Variants in MGAM observed in about 807,000 individuals in gnomAD.
MGAM encodes the protein maltase-glucoamylase.
In MGAM, 253 loss-of-function variants were observed where a neutral mutation model predicts 358.8. The observed-to-expected ratio is 0.71, with a 90% CI of 0.64 to 0.78. The LOEUF (loss-of-function observed/expected upper bound fraction) is 0.78. Ranked by LOEUF, MGAM falls within the 30% of genes least tolerant of loss-of-function variation. The pLI is 0.00. For synonymous variants in MGAM, 1,105 were observed against 1,227.1 expected, an observed-to-expected ratio of 0.90 and a Z score of 2.08; for missense variants, 3,080 against 3,432.6, an observed-to-expected ratio of 0.90 and a Z score of 2.57.
intron 14 of MGAM, among the ~76,000 whole-genome samples, 177 bp from the exon 15 acceptor site, chr7:142,034,085 T>A (rs1807750639): frequency 6.6e-6 from 1 of 152,238 alleles, no homozygotes; most frequent in Non-Finnish European, 1.5e-5. Flanking sequence ...AATTCATTTA[T>A]ATATCAGAGA....
chr7:142,005,367 A>G (rs571428096), intron 1 of MGAM, among the ~76,000 whole-genome samples, 162 bp from the exon 2 acceptor site: 2 of 152,066 alleles, frequency 1.3e-5, no homozygotes, highest in Non-Finnish European at 2.9e-5. Context: ...ATAAGGACAG[A>G]ATGAATTGGC....
At chr7:142,097,075 C>T (rs1444916197) in intron 65 of MGAM, among the ~76,000 whole-genome samples, 13 of 151,956 alleles carry the variant, frequency 8.6e-5, no homozygotes, top group Middle Eastern at 3.4e-3. Context: ...ACTACAGGCA[C>T]GTGCCACCAG....
chr7:142,079,577 T>TTC lies in MGAM; in HGVS notation c.5847+570_5847+571insCT, dbSNP rs1460483432. 1.1e-4 allele frequency among the ~76,000 whole-genome samples: 16 copies of TTC among 145,998 alleles called. 2 individuals are homozygous for TTC. The highest frequency in any genetic ancestry group is 3.7e-4 in the African/African-American group (15 of 41,082). On this transcript the variant is annotated intron_variant, in intron 49 of 70. Coordinates refer to ENST00000475668, the MANE Select transcript of MGAM (RefSeq NM_001365693.1). ...TAAAATAGCCACCAACCTGCAGCGA[T>TTC]TTCATTTCTTTCCAGAATTTAATTG...
In MGAM at chr7:142,091,964, A is replaced by G. The variant is rs761812540; in HGVS notation, c.6862A>G (p.Lys2288Glu). Residue 2288 changes from lysine to glutamate, a missense_variant, in exon 58 of 71, where the codon AAG (lysine) becomes GAG (glutamate). Around this residue, in one of 5 missense-constraint regions of MGAM, gnomAD observed 932 missense variants for 1,198.2 expected, o/e 0.78. Transcript: ENST00000475668. ...AGACTTTTTCCGTAATTCAACTGCC[A>G]AGTGGTGGAAGAGGGAAATAGAAGA... ...FPDFFRNSTAKWWKREIEELY... is the reference protein window; with the variant it reads ...FPDFFRNSTAEWWKREIEELY... The G allele has an allele frequency of 1.3e-6, 2 of 1,536,894 alleles. No individual in the cohort carries two copies. Among genetic ancestry groups the G allele is most frequent in the Admixed American group, 3.5e-5 (2 of 56,538 alleles).
intron 3 of MGAM, among the ~76,000 whole-genome samples, chr7:142,018,697 G>A (rs562796955): frequency 1.4e-4 from 21 of 152,280 alleles, no homozygotes; most frequent in Admixed American, 3.9e-4. Context: ...GCCTCTGGAG[G>A]AGTTGAGAGA....
rs548974435 is a variant in MGAM, at chr7:142,092,607, G to A, written c.7032G>A (p.Pro2344=). ...CTCTGAACCACCCTCCCTACATGCC[G>A]TGTAAGAATCCTTGGCCTTCTTGAT... ...DASLNHPPYM[P]YLESRDRGLS... is the part of the protein sequence containing the mutation. Residue 2344 remains proline (P), a splice_region_variant and synonymous_variant, in exon 59 of 71, where the codon CCG becomes CCA. Coordinates refer to ENST00000475668, the MANE Select transcript of MGAM (RefSeq NM_001365693.1). 3.5e-5 allele frequency: 53 copies of A among 1,533,780 alleles called. 2 individuals carry two copies. Among genetic ancestry groups the A allele is most frequent in the Admixed American group, 2.5e-4 (14 of 55,978 alleles).
chr7:142,091,130 C>T (rs1815345191), intron 57 of MGAM, among the ~76,000 whole-genome samples: 1 of 143,974 alleles, frequency 6.9e-6, no homozygotes, highest in African/African-American at 2.5e-5. Flanking sequence ...GCCTGTAATC[C>T]CAGCTACTCA....
At chr7:142,057,108 T>G (rs1323897834) in intron 30 of MGAM, among the ~76,000 whole-genome samples, 166 bp downstream of exon 30, 10 of 152,214 alleles carry the variant, frequency 6.6e-5, no homozygotes, top group African/African-American at 2.2e-4. Flanking sequence ...ATCATTAAAT[T>G]TATAGCCTCT....
At chr7:142,055,529 T>G in intron 27 of MGAM, 29 bp from the exon 28 acceptor site, 1 of 1,613,736 alleles carries the variant, frequency 6.2e-7, no homozygotes, top group Admixed American at 1.7e-5. Flanking sequence ...GCTCATTTTC[T>G]GTTTCAAATC....
Position 142,032,898 on chromosome 7 carries a change from C to T in MGAM, c.1658C>T (p.Pro553Leu), listed in dbSNP as rs782679232. 8.1e-6 allele frequency: 13 copies of T among 1,606,998 alleles called. No homozygotes were observed. In the Admixed American group the frequency reaches 2.0e-4, roughly 25 times the overall value. ...TCCACAAACAACCTAAATAATCCCC[C>T]ATTCACTCCCAGTAAGTCTTGGTGG... The part of the protein sequence containing the change: ...GCSTNNLNNP[P>L]FTPRILDGYL... The change falls in exon 14 of 71, where the codon CCA becomes CTA. Residue 553 changes from proline (P) to leucine (L), a missense_variant. Coordinates refer to ENST00000475668, the MANE Select transcript of MGAM (RefSeq NM_001365693.1).
rs183251912 is a variant in MGAM, at chr7:142,062,517, G to T, written c.4123-51G>T. On this transcript the variant is annotated intron_variant, in intron 34 of 70. Transcript: ENST00000475668. The stretch of plus-strand genomic sequence containing the variant: ...TTGCATTCTCAGTAAGTGCCTGTTT[G>T]CTGTCTTCTATATTTGTGTGGGACA... The T allele has an allele frequency of 1.8e-4, 276 of 1,527,970 alleles. 2 individuals are homozygous for T. In the Admixed American group the frequency reaches 5.4e-3, roughly 30 times the overall value. 94.7% of individuals were successfully genotyped at this position (1,527,970 alleles called of 1,614,324 possible). A position where few individuals can be genotyped will look rare whatever the true frequency, so the allele number is the denominator to read the frequency against.
intron 3 of MGAM, among the ~76,000 whole-genome samples, chr7:142,012,837 A>C (rs1249267623): frequency 2.0e-5 from 3 of 151,912 alleles, no homozygotes; most frequent in African/African-American, 7.3e-5. Flanking sequence ...GACTGACTGC[A>C]CCCTCTTCCC....
At chr7:142,058,001 C>A (rs183298248) in intron 30 of MGAM, among the ~76,000 whole-genome samples, 5 of 152,200 alleles carry the variant, frequency 3.3e-5, no homozygotes, top group Admixed American at 3.3e-4. Context: ...TCAGATTTTC[C>A]ATAATTTTTA....
Position 142,060,322 on chromosome 7 carries a change from T to C in MGAM, c.4071T>C (p.Asp1357=). ...ATTTCTCTCCATAGGTCTGGCCTGA[T>C]TTTCCTGATGTTGTTGTGAATGGGT... ...GDIVWGKVWP[D]FPDVVVNGSL... is the part of the protein sequence containing the mutation. The change falls in exon 34 of 71, where the codon GAT becomes GAC. Residue 1357 remains aspartate, a synonymous_variant. Transcript: ENST00000475668. The C allele has an allele frequency of 1.2e-6, 2 of 1,614,034 alleles. No homozygotes were observed. Among genetic ancestry groups the C allele is most frequent in the Non-Finnish European group, 1.7e-6 (2 of 1,179,858 alleles).
chr7:142,095,943 T>A, intron 64 of MGAM: 1 of 723,894 alleles, frequency 1.4e-6, no homozygotes, highest in South Asian at 2.1e-5. Flanking sequence ...TAGCATAGAA[T>A]AATTTCTTTC....
chr7:142,050,413 T>TAC, intron 23 of MGAM, 129 bp downstream of exon 23: 1 of 1,147,848 alleles, frequency 8.7e-7, no homozygotes, highest in Admixed American at 1.7e-5. Context: ...TATAGGTGAG[T>TAC]ACATTTCTAT....
chr7:142,044,073 A>ATATG (rs1491177347), intron 21 of MGAM, among the ~76,000 whole-genome samples: 3 of 137,730 alleles, frequency 2.2e-5, no homozygotes, highest in Non-Finnish European at 4.7e-5. Flanking sequence ...ACGACGTATA[A>ATATG]TACATTATAT....
Position 142,106,075 on chromosome 7 carries a change from C to T in MGAM, c.*184C>T, listed in dbSNP as rs902510367. 3.9e-6 allele frequency: 2 copies of T among 517,092 alleles called. No homozygotes were observed. Among genetic ancestry groups the T allele is most frequent in the East Asian group, 6.8e-5 (2 of 29,366 alleles). 32.0% of individuals were successfully genotyped at this position (517,092 alleles called of 1,614,324 possible). On this transcript the variant is annotated 3_prime_UTR_variant, in exon 71 of 71. Coordinates refer to ENST00000475668, the MANE Select transcript of MGAM (RefSeq NM_001365693.1). ...TTAAACCTTAGCCCTGTGGGATAGG[C>T]AGTTAGGGAGGTGTGGAAAATCTAT...
intron 51 of MGAM, 131 bp from the exon 52 acceptor site, chr7:142,082,344 C>T (rs1047445212): frequency 4.7e-6 from 6 of 1,288,524 alleles, no homozygotes; most frequent in African/African-American, 2.9e-5. Context: ...TTCTCAGGCT[C>T]CTTTGTTTCA....
Sources: gnomAD v4.1 joint callset for allele counts (sites outside exome capture counted in the v4.1 genomes callset) on GRCh38, gnomAD v4.1.1 for gene constraint, gnomAD v4.1.1 regional missense constraint, MANE v1.5 for transcripts, NCBI Gene and HGNC (gene_info 2026-07-23, HGNC 2026-07-21) for gene names.